The following UPP2 variants were observed in gnomAD, a reference collection of about 807,000 sequenced individuals.
UPP2 encodes UPase 2.
A neutral mutation model predicts 26.7 loss-of-function variants in UPP2; 23 were observed. That is an observed-to-expected ratio of 0.86 (90% CI 0.62 to 1.22). The LOEUF (loss-of-function observed/expected upper bound fraction) is 1.22. Among genes scored for constraint, UPP2 ranks in the 50% most tolerant of loss-of-function variants. The pLI is 0.00. For synonymous variants in UPP2, 127 were observed against 141.3 expected (o/e 0.90, Z 0.72); for missense variants, 387 against 396.7 (o/e 0.98, Z 0.21).
chr2:158,004,341 G>A (rs148562977), intron 2 of UPP2, among the ~76,000 whole-genome samples: 71 of 151,960 alleles, frequency 4.7e-4, no homozygotes, highest in African/African-American at 1.3e-3. Context: ...GAAACCTCCC[G>A]GTGAATAAGG....
intron 3 of UPP2, among the ~76,000 whole-genome samples, chr2:158,115,967 C>G (rs1004334730): frequency 2.0e-5 from 3 of 152,186 alleles, no homozygotes; most frequent in Non-Finnish European, 4.4e-5. Context: ...AAAAGAGGCA[C>G]AGGCAGGCAT....
At chr2:158,074,062 C>T (rs1230354065) in intron 3 of UPP2, among the ~76,000 whole-genome samples, 1 of 152,148 alleles carries the variant, frequency 6.6e-6, no homozygotes, top group Non-Finnish European at 1.5e-5. Flanking sequence ...CTTGTAGTCT[C>T]AGCTACTTGG....
Position 158,076,533 on chromosome 2 carries a change from T to C in UPP2, c.148-25507T>C, listed in dbSNP as rs369951799. Among the ~76,000 whole-genome samples the C allele has an allele frequency of 4.6e-5, 7 of 152,186 alleles. 1 individual carries two copies. In the East Asian group the frequency reaches 1.4e-3, roughly 29 times the overall value. ...GGTTCAACATACGCAAATCAGTCAA[T>C]GTGTACATCATATCAACAGAATGAA... On this transcript the variant is annotated intron_variant, in intron 3 of 9. Transcript: ENST00000605860.
At chr2:158,102,597 C>T (rs867400471) in intron 1 of UPP2, among the ~76,000 whole-genome samples, 3 of 152,046 alleles carry the variant, frequency 2.0e-5, no homozygotes, top group Non-Finnish European at 4.4e-5. Context: ...TCTGAAATAC[C>T]GTCTATGTGA....
chr2:158,035,507 A>G (rs1023339713), intron 3 of UPP2, among the ~76,000 whole-genome samples: 18 of 152,150 alleles, frequency 1.2e-4, no homozygotes, highest in Non-Finnish European at 2.2e-4. Context: ...TCAGCATATT[A>G]TCCCATTCCT....
At position 158,105,477 on chromosome 2, in the gene UPP2, C is replaced by T. The variant is rs374778774; in HGVS notation, c.63-622C>T. Among the ~76,000 whole-genome samples the T allele has an allele frequency of 5.3e-4, 81 of 152,276 alleles. 1 individual carries two copies. The highest frequency in any genetic ancestry group is 7.7e-4 in the East Asian group (4 of 5,174). On this transcript the variant is annotated intron_variant, in intron 1 of 6. Coordinates refer to ENST00000005756, the MANE Select transcript of UPP2 (RefSeq NM_173355.4). Reference sequence around the variant, plus strand: ...CATCAACATCAGGACCAATGAGGAGCTTGCTAGAAATGCAAATTCGGACAC... The same window carrying T: ...CATCAACATCAGGACCAATGAGGAGTTTGCTAGAAATGCAAATTCGGACAC...
rs575581199 is a variant in UPP2 at position 158,080,432 on chromosome 2, G to A, written c.148-21608G>A. On this transcript the variant is annotated intron_variant, in intron 3 of 9. Transcript: ENST00000605860. ...TAGTCTACCATTTTGAAACAAAACA[G>A]CATCTATATCCTGTGACAGAATTGT... Among the ~76,000 whole-genome samples, 29 of 152,234 alleles carry A rather than the reference G, an allele frequency of 1.9e-4. No homozygotes were observed. The South Asian group carries it at 3.1e-3, about 16-fold the overall frequency.
At chr2:158,003,264 C>T (rs944499322) in intron 2 of UPP2, among the ~76,000 whole-genome samples, 1 of 151,874 alleles carries the variant, frequency 6.6e-6, no homozygotes, top group African/African-American at 2.4e-5. Flanking sequence ...TGAGAGGGTC[C>T]GATGCAGAGT....
chr2:158,025,982 C>T (rs958911075), intron 3 of UPP2, among the ~76,000 whole-genome samples: 28 of 152,188 alleles, frequency 1.8e-4, no homozygotes, highest in Admixed American at 6.5e-4. Flanking sequence ...AGGACATAAT[C>T]GAGGGAGGCA....
chr2:158,083,511 C>A (rs992056439), intron 3 of UPP2, among the ~76,000 whole-genome samples: 3 of 151,724 alleles, frequency 2.0e-5, no homozygotes, highest in African/African-American at 7.3e-5. Flanking sequence ...ACAGTGAGAA[C>A]ACATGGACAC....
chr2:158,092,829 T>C (rs1485749569), intron 3 of UPP2, among the ~76,000 whole-genome samples: 1 of 152,216 alleles, frequency 6.6e-6, no homozygotes, highest in Non-Finnish European at 1.5e-5. Context: ...CTTTGAATTG[T>C]ATTAAGTATG....
chr2:158,048,034 AG>A (rs776010327), intron 3 of UPP2, among the ~76,000 whole-genome samples: 14 of 152,326 alleles, frequency 9.2e-5, no homozygotes, highest in Non-Finnish European at 1.8e-4. Flanking sequence ...GGGGCATCTG[AG>A]ATTACATAGC....
Position 158,121,447 on chromosome 2 carries a change from G to A in UPP2, c.493G>A (p.Val165Ile). The change falls in exon 5 of 7, where the codon GTA becomes ATA. Residue 165 changes from valine (V) to isoleucine (I), a missense_variant. Val to Ile is a conservative substitution (Grantham distance 29, BLOSUM62 3). Transcript: ENST00000005756. The part of the protein sequence containing the change: ...PGTVVITDIA[V>I]DSFFKPRFEQ... ...GACTGTTGTAATAACGGATATAGCT[G>A]TAGACTCCTTCTTTAAGCCCCGGTT... The A allele has an allele frequency of 6.2e-7, 1 of 1,613,390 alleles. No homozygotes were observed. Among genetic ancestry groups the A allele is most frequent in the East Asian group, 2.2e-5 (1 of 44,866 alleles).
At chr2:158,033,013 C>T (rs1234211144) in intron 3 of UPP2, among the ~76,000 whole-genome samples, 1 of 152,062 alleles carries the variant, frequency 6.6e-6, no homozygotes, top group Non-Finnish European at 1.5e-5. Context: ...TTGGCCTACC[C>T]ATCCTTAAAC....
chr2:158,040,965 C>A (rs895775534), intron 3 of UPP2, among the ~76,000 whole-genome samples: 8 of 152,156 alleles, frequency 5.3e-5, no homozygotes, highest in African/African-American at 1.9e-4. Context: ...GTAATTGAAG[C>A]TAATATTTAC....
intron 3 of UPP2, among the ~76,000 whole-genome samples, chr2:158,023,634 CT>C (rs1251255124): frequency 6.6e-6 from 1 of 151,876 alleles, no homozygotes; most frequent in Non-Finnish European, 1.5e-5. Context: ...GGACATGGAG[CT>C]TTGGGGTGGG....
chr2:158,078,599 T>A (rs570243037), intron 3 of UPP2, among the ~76,000 whole-genome samples: 1 of 151,894 alleles, frequency 6.6e-6, no homozygotes, highest in African/African-American at 2.4e-5. Context: ...TTTGTGAAGA[T>A]AGAGAGTAGA....
rs138719204 is a variant in UPP2 at position 158,102,213 on chromosome 2, A to G, written c.62+88A>G. On this transcript the variant is annotated intron_variant, in intron 1 of 6. Transcript: ENST00000005756. The stretch of plus-strand genomic sequence containing the variant: ...AAATGATTAGATAATGGGCCTCTAC[A>G]GTTAAGCAAATTTCTTAAATGTAGA... 1,024 of 1,394,068 alleles carry G rather than the reference A, an allele frequency of 7.3e-4. 13 individuals carry two copies. The African/African-American group carries it at 0.014, about 19-fold the overall frequency. The allele number at this position is 1,394,068 out of a possible 1,614,324, so 86.4% of individuals were successfully genotyped here.
intron 3 of UPP2, among the ~76,000 whole-genome samples, chr2:158,058,292 CAAAAAAAAAAAAAA>C (rs57994785): frequency 5.2e-5 from 2 of 38,806 alleles, no homozygotes; most frequent in African/African-American, 8.9e-5. Context: ...GACTCCGTCT[CAAAAAAAAAAAAAA>C]AAAAAAAAAA....
Sources: gnomAD v4.1 joint callset for allele counts (sites outside exome capture counted in the v4.1 genomes callset) on GRCh38, gnomAD v4.1.1 for gene constraint, MANE v1.5 for transcripts, NCBI Gene and HGNC (gene_info 2026-07-23, HGNC 2026-07-21) for gene names.